Variants in PPP2R2A observed in about 807,000 individuals in gnomAD.
The protein encoded by PPP2R2A is serine/threonine-protein phosphatase 2A 55 kDa regulatory subunit B alpha isoform.
PPP2R2A carries 9 observed loss-of-function variants against 53.2 expected under a neutral mutation model. The ratio of observed to expected loss-of-function variants is 0.17; its 90% CI spans 0.10 to 0.30. PPP2R2A has a LOEUF of 0.30. Among genes scored for constraint, PPP2R2A ranks in the 10% least tolerant of loss-of-function variants. The pLI, the probability that PPP2R2A is intolerant of heterozygous loss-of-function variation, is 1.00. For missense variants in PPP2R2A, 235 were observed against 534.6 expected, an observed-to-expected ratio of 0.44 and a Z score of 5.53; for synonymous variants, 169 against 174.2, an observed-to-expected ratio of 0.97 and a Z score of 0.23.
chr8:26,294,977 CA>C (rs1165553532), intron 2 of PPP2R2A, among the ~76,000 whole-genome samples: 1 of 152,140 alleles, frequency 6.6e-6, no homozygotes, highest in East Asian at 1.9e-4. Flanking sequence ...CTGATGAAGT[CA>C]GTGGTGTTTG....
chr8:26,369,061 T>G (rs1166292985), intron 9 of PPP2R2A, among the ~76,000 whole-genome samples: 5 of 149,268 alleles, frequency 3.3e-5, no homozygotes, highest in Admixed American at 3.3e-4. Context: ...TGAGCCGAGA[T>G]CGCACCACTG....
chr8:26,348,453 AAATT>A (rs1179103339), intron 3 of PPP2R2A, among the ~76,000 whole-genome samples: 1 of 152,196 alleles, frequency 6.6e-6, no homozygotes, highest in Non-Finnish European at 1.5e-5. Flanking sequence ...TTCATGCACA[AAATT>A]AATTAAAATG....
Position 26,338,809 on chromosome 8 carries a change from G to A in PPP2R2A, c.83-81G>A. 7.5e-6 allele frequency: 7 copies of A among 927,328 alleles called. No individual in the cohort carries two copies. In the South Asian group the frequency reaches 1.1e-4, roughly 15 times the overall value. The allele number at this position is 927,328 out of a possible 1,614,324, so 57.4% of individuals were successfully genotyped here. A position where few individuals can be genotyped will look rare whatever the true frequency, so the allele number is the denominator to read the frequency against. ...TATACTTCATAGACTTGGAATGTTT[G>A]GGAAAACACGCTAAGTTCTGAAACT... On this transcript the variant is annotated intron_variant, in intron 2 of 9. Transcript: ENST00000380737. The surrounding 1 kb of genome is among the most constrained non-coding windows in gnomAD (Gnocchi z 4.5).
intron 9 of PPP2R2A, 97 bp downstream of exon 9, chr8:26,366,503 A>G: frequency 5.6e-6 from 5 of 896,554 alleles, no homozygotes; most frequent in Non-Finnish European, 4.9e-6. Flanking sequence ...ATTCCTTGAA[A>G]TAAATTTAGT....
Position 26,362,890 on chromosome 8 carries a change from G to C in PPP2R2A, c.802+42G>C. On this transcript the variant is annotated intron_variant, in intron 7 of 9. Coordinates refer to ENST00000380737, the MANE Select transcript of PPP2R2A (RefSeq NM_002717.4). This position sits in a 1 kb window ranked among gnomAD's most constrained non-coding sequence, Gnocchi z 4.4. ...TTTCCTTAAAATGATTACATATTCT[G>C]TTTGTCTGAAATAAGCCTCAGACAT... is the stretch of plus-strand genomic sequence containing the variant. 1 of 1,572,832 alleles carries C rather than the reference G, an allele frequency of 6.4e-7. No homozygotes were observed. The highest frequency in any genetic ancestry group is 8.7e-7 in the Non-Finnish European group (1 of 1,150,380).
chr8:26,367,731 CT>C (rs1805454872), intron 9 of PPP2R2A, among the ~76,000 whole-genome samples: 1 of 152,210 alleles, frequency 6.6e-6, no homozygotes, highest in South Asian at 2.1e-4. Flanking sequence ...GACAAAAACA[CT>C]TTCCAACATA....
chr8:26,299,925 C>T (rs889758207), intron 2 of PPP2R2A, among the ~76,000 whole-genome samples: 3 of 152,120 alleles, frequency 2.0e-5, no homozygotes, highest in Admixed American at 2.0e-4. Context: ...TATTTAATAT[C>T]CTTACCTTGT....
intron 3 of PPP2R2A, among the ~76,000 whole-genome samples, chr8:26,353,209 C>CT (rs1804608314): frequency 6.6e-6 from 1 of 152,164 alleles, no homozygotes; most frequent in South Asian, 2.1e-4. Context: ...GACCAAGGCT[C>CT]TGAGTCTGAT....
intron 4 of PPP2R2A, among the ~76,000 whole-genome samples, chr8:26,355,286 C>T (rs1227371471): frequency 6.6e-6 from 1 of 152,158 alleles, no homozygotes; most frequent in Non-Finnish European, 1.5e-5. Context: ...TTTTTTGAGA[C>T]AATGTCTGTC....
chr8:26,372,086 C>T lies in PPP2R2A; in HGVS notation c.*1673C>T, dbSNP rs2117445293. 6.6e-6 allele frequency: 1 copy of T among 152,296 alleles called. No homozygotes were observed. The highest frequency in any genetic ancestry group is 1.9e-4 in the East Asian group (1 of 5,188). 9.4% of individuals were successfully genotyped at this position (152,296 alleles called of 1,614,324 possible). On this transcript the variant is annotated 3_prime_UTR_variant, in exon 10 of 10. Transcript: ENST00000380737. ...AACGAGCCGACCGTGATTCCCTCTA[C>T]TACAAATATTATGTCTTGTAAGTTA...
At chr8:26,359,088 A>G (rs1331725732) in intron 4 of PPP2R2A, 2 of 364,664 alleles carry the variant, frequency 5.5e-6, no homozygotes, top group South Asian at 2.1e-5. Flanking sequence ...AAGTCACTTC[A>G]TCTCTCTGTT....
chr8:26,329,243 C>T (rs889097076), intron 2 of PPP2R2A, among the ~76,000 whole-genome samples: 5 of 152,102 alleles, frequency 3.3e-5, no homozygotes, highest in Non-Finnish European at 5.9e-5. Context: ...CTCTGTGACT[C>T]TTAATTGCAT....
Position 26,360,680 on chromosome 8 carries a change from A to G in PPP2R2A, c.460-294A>G, listed in dbSNP as rs535244910. On this transcript the variant is annotated intron_variant, in intron 5 of 9. Coordinates refer to ENST00000380737, the MANE Select transcript of PPP2R2A (RefSeq NM_002717.4). The surrounding 1 kb of genome is among the most constrained non-coding windows in gnomAD (Gnocchi z 4.5). ...GTTAATTTTCTTTTTAGCCTCTTTAATCTGAACCATAAACATTTATTAGCT... is the reference window on the plus strand; with the variant it reads ...GTTAATTTTCTTTTTAGCCTCTTTAGTCTGAACCATAAACATTTATTAGCT... The G allele has an allele frequency of 1.1e-5, 4 of 362,554 alleles. No individual in the cohort carries two copies. The South Asian group carries it at 2.7e-4, about 24-fold the overall frequency. The allele number at this position is 362,554 out of a possible 1,614,324, so 22.5% of individuals were successfully genotyped here.
chr8:26,298,687 A>G (rs1801650254), intron 2 of PPP2R2A: 1 of 152,210 alleles, frequency 6.6e-6, no homozygotes, highest in African/African-American at 2.4e-5. Context: ...CATTACAGAA[A>G]GTATGTGGAA....
chr8:26,362,635 T>C lies in PPP2R2A; in HGVS notation c.638-49T>C, dbSNP rs768279034. ...TTTAGGTTTGAGAAATGTAGAATTA[T>C]ATTTGCCCTTTTTTCTAAGTGGAAA... On this transcript the variant is annotated intron_variant, in intron 6 of 9. Transcript: ENST00000380737. The surrounding 1 kb of genome is among the most constrained non-coding windows in gnomAD (Gnocchi z 4.4). The C allele has an allele frequency of 3.2e-6, 5 of 1,561,086 alleles. No homozygotes were observed. The highest frequency in any genetic ancestry group is 4.4e-6 in the Non-Finnish European group (5 of 1,137,828).
At chr8:26,344,812 TTAACCA>T (rs1804128354) in intron 3 of PPP2R2A, among the ~76,000 whole-genome samples, 1 of 152,186 alleles carries the variant, frequency 6.6e-6, no homozygotes, top group African/African-American at 2.4e-5. Flanking sequence ...GAAATTTGAA[TTAACCA>T]TATTTCTTAT....
In PPP2R2A at chr8:26,362,214, G is replaced by A. The variant is rs949663519; in HGVS notation, c.638-470G>A. On this transcript the variant is annotated intron_variant, in intron 6 of 9. Coordinates refer to ENST00000380737, the MANE Select transcript of PPP2R2A (RefSeq NM_002717.4). The surrounding 1 kb of genome is among the most constrained non-coding windows in gnomAD (Gnocchi z 4.4). ...TAAATAAAAATATTCTATTGAGGCC[G>A]GGCACAGTGACTCATGCCTGTAATC... is the stretch of plus-strand genomic sequence containing the variant. 4.0e-5 allele frequency among the ~76,000 whole-genome samples: 6 copies of A among 151,530 alleles called. No individual in the cohort carries two copies. The highest frequency in any genetic ancestry group is 8.8e-5 in the Non-Finnish European group (6 of 67,912).
At chr8:26,331,435 T>C (rs1160349804) in intron 2 of PPP2R2A, among the ~76,000 whole-genome samples, 2 of 152,356 alleles carry the variant, frequency 1.3e-5, no homozygotes, top group East Asian at 3.9e-4. Context: ...CTCTTGAAAG[T>C]AGTAGTGGTA....
chr8:26,293,048 G>T, intron 1 of PPP2R2A: 1 of 454,924 alleles, frequency 2.2e-6, no homozygotes, highest in Non-Finnish European at 3.9e-6. Context: ...GTCCTTTGGA[G>T]TCAAGGGATG....
Sources: allele counts gnomAD v4.1 joint callset (sites outside exome capture counted in the v4.1 genomes callset), GRCh38; gene constraint gnomAD v4.1.1; non-coding constraint Gnocchi (gnomAD v3.1); transcripts MANE v1.5; gene names NCBI Gene and HGNC (gene_info 2026-07-23, HGNC 2026-07-21).